The following GPAM variants were observed in gnomAD, a reference collection of about 807,000 sequenced individuals.
GPAM encodes the protein glycerol-3-phosphate acyltransferase, mitochondrial, also known as glycerol-3-phosphate acyltransferase 1, mitochondrial.
GPAM carries 56 observed loss-of-function variants against 105.0 expected under a neutral mutation model. The ratio of observed to expected loss-of-function variants is 0.53; its 90% CI spans 0.43 to 0.67. The LOEUF (loss-of-function observed/expected upper bound fraction) is 0.67, where lower values mean the gene tolerates loss of function less well. Among genes scored for constraint, GPAM ranks in the 30% least tolerant of loss-of-function variants. GPAM has a pLI of 0.00. For synonymous variants in GPAM, 368 were observed against 354.4 expected, an observed-to-expected ratio of 1.04 and a Z score of -0.43; for missense variants, 855 against 989.8, an observed-to-expected ratio of 0.86 and a Z score of 1.83.
At chr10:112,166,028 C>A (rs1455232257) in intron 12 of GPAM, among the ~76,000 whole-genome samples, 1 of 152,022 alleles carries the variant, frequency 6.6e-6, no homozygotes, top group Non-Finnish European at 1.5e-5. Flanking sequence ...TATTACAATT[C>A]TTCTCTTTTA....
intron 2 of GPAM, among the ~76,000 whole-genome samples, chr10:112,182,298 C>A (rs1369435239): frequency 6.6e-6 from 1 of 152,130 alleles, no homozygotes; most frequent in African/African-American, 2.4e-5. Flanking sequence ...TAGGGCACCC[C>A]TTAAGTTCCC....
chr10:112,227,451 C>A, the GPAM span, among the ~76,000 whole-genome samples: 1 of 152,322 alleles, frequency 6.6e-6, no homozygotes, highest in East Asian at 1.9e-4. Flanking sequence ...GGAGCCCAGC[C>A]ATAAGCTGTC....
rs966544782 is a variant in GPAM at position 112,153,334 on chromosome 10, G to A, written c.*216C>T. 2 of 1,449,354 alleles carry A rather than the reference G, an allele frequency of 1.4e-6. No individual in the cohort carries two copies. The highest frequency in any genetic ancestry group is 5.0e-5 in the East Asian group (2 of 39,992). 89.8% of individuals were successfully genotyped at this position (1,449,354 alleles called of 1,614,324 possible). A position where few individuals can be genotyped will look rare whatever the true frequency, so the allele number is the denominator to read the frequency against. ...GGATTATGAGTTGCGAATAGAGGCT[G>A]AGGTCCCCCCAAGTGTTATCTGCAG... On this transcript the variant is annotated 3_prime_UTR_variant, in exon 22 of 22. Coordinates refer to ENST00000348367, the MANE Select transcript of GPAM (RefSeq NM_001244949.2).
chr10:112,189,203 T>TA (rs1847627756), intron 1 of GPAM, among the ~76,000 whole-genome samples: 2 of 152,224 alleles, frequency 1.3e-5, no homozygotes, highest in African/African-American at 4.8e-5. Context: ...TGGCATGAAT[T>TA]ATTCTTACTG....
the GPAM span, among the ~76,000 whole-genome samples, chr10:112,224,377 T>C: frequency 6.6e-6 from 1 of 152,190 alleles, no homozygotes; most frequent in South Asian, 2.1e-4. Flanking sequence ...TGCATTCTTT[T>C]AGTATGTACA....
At chr10:112,166,628 A>G (rs1847222816) in intron 11 of GPAM, 113 bp from the exon 12 acceptor site, 1 of 744,738 alleles carries the variant, frequency 1.3e-6, no homozygotes, top group African/African-American at 1.7e-5. Context: ...CATCTTGAAG[A>G]AGAACAATGA....
In GPAM at chr10:112,155,986, T is replaced by A. The variant is rs1847011205; in HGVS notation, c.2189A>T (p.Glu730Val). The A allele has an allele frequency of 1.2e-6, 2 of 1,612,476 alleles. No homozygotes were observed. The change falls in exon 20 of 22, where the codon GAG (glutamate) becomes GTG (valine). Residue 730 changes from glutamate to valine, a missense_variant. Coordinates refer to ENST00000348367, the MANE Select transcript of GPAM (RefSeq NM_001244949.2). ...AAAGATGGCAGCAGAGCTGTAGGCC[T>A]CCAGCAAAGGCCCAAGGAGTCTCTG... ...FLQRLLGPLL[E>V]AYSSAAIFVH...
intron 13 of GPAM, 106 bp downstream of exon 13, chr10:112,164,419 G>A: frequency 4.2e-6 from 3 of 717,848 alleles, no homozygotes; most frequent in Admixed American, 4.0e-5. Context: ...TACTTAAGAA[G>A]TGAAAATAAG....
At chr10:112,211,282 G>C (rs931665455) in intron 1 of GPAM, among the ~76,000 whole-genome samples, 1 of 152,180 alleles carries the variant, frequency 6.6e-6, no homozygotes, top group Admixed American at 6.5e-5. Context: ...AAGAGCCCAG[G>C]ATAGGGAGTC....
intron 1 of GPAM, among the ~76,000 whole-genome samples, chr10:112,204,815 A>G (rs546170433): frequency 8.3e-4 from 121 of 146,246 alleles, no homozygotes; most frequent in African/African-American, 3.0e-3. Flanking sequence ...AGTTCTGGCC[A>G]GGGCAATCAG....
chr10:112,158,499 C>T, intron 17 of GPAM, 106 bp from the exon 18 acceptor site: 1 of 733,410 alleles, frequency 1.4e-6, no homozygotes. Flanking sequence ...CATTCTGTTA[C>T]CTCCATCACC....
intron 1 of GPAM, among the ~76,000 whole-genome samples, 158 bp from the exon 2 acceptor site, chr10:112,183,049 C>A (rs761073578): frequency 1.3e-5 from 2 of 152,220 alleles, no homozygotes; most frequent in Non-Finnish European, 2.9e-5. Flanking sequence ...CAGCAGCATG[C>A]GCTGAGAGAA....
intron 6 of GPAM, 126 bp from the exon 7 acceptor site, chr10:112,173,971 T>C: frequency 1.3e-6 from 1 of 787,594 alleles, no homozygotes; most frequent in East Asian, 2.6e-5. Flanking sequence ...TGCGGTAACA[T>C]GAAAGAATAA....
chr10:112,197,611 A>G (rs1052604519), intron 1 of GPAM, among the ~76,000 whole-genome samples: 6 of 149,262 alleles, frequency 4.0e-5, no homozygotes, highest in Admixed American at 6.7e-5. Flanking sequence ...AGCATTAGGT[A>G]TATCTCCCAA....
At chr10:112,186,772 A>T (rs1434900912), upstream of GPAM, among the ~76,000 whole-genome samples, 1 of 152,102 alleles carries the variant, frequency 6.6e-6, no homozygotes, top group Non-Finnish European at 1.5e-5. Flanking sequence ...GCCGGTCTCG[A>T]TCTCCTGACC....
In GPAM at chr10:112,157,339, G is replaced by A; in HGVS notation, c.2031C>T (p.Asp677=). ...AAGACAAAGGTTCTGGAAGCTTCTT[G>A]TCCCACTGCTGCTCAGCAAGACTAG... ...ISPSLAEQQW[D]KKLPEPLSWR... Residue 677 remains aspartate, a synonymous_variant, in exon 19 of 22, where the codon GAC becomes GAT. Transcript: ENST00000348367. The A allele has an allele frequency of 1.2e-6, 2 of 1,613,268 alleles. No homozygotes were observed. The highest frequency in any genetic ancestry group is 1.7e-6 in the Non-Finnish European group (2 of 1,179,206).
rs999598669 is a variant in GPAM, at chr10:112,151,777, A to G, written c.*1773T>C. 1.0e-6 allele frequency: 1 copy of G among 984,980 alleles called. No homozygotes were observed. The highest frequency in any genetic ancestry group is 1.1e-4 in the East Asian group (1 of 8,812). 61.0% of individuals were successfully genotyped at this position (984,980 alleles called of 1,614,324 possible). A position where few individuals can be genotyped will look rare whatever the true frequency, so the allele number is the denominator to read the frequency against. ...AGACTAGTGAAATGTTTGCTTCCCCAGATAAGGAACACCCAAGACTCCCTG... is the reference window on the plus strand; with the variant it reads ...AGACTAGTGAAATGTTTGCTTCCCCGGATAAGGAACACCCAAGACTCCCTG... On this transcript the variant is annotated 3_prime_UTR_variant, in exon 22 of 22. Transcript: ENST00000348367.
chr10:112,219,759 C>T (rs560413766), upstream of GPAM, among the ~76,000 whole-genome samples: 2 of 152,126 alleles, frequency 1.3e-5, no homozygotes, highest in Admixed American at 6.5e-5. Context: ...TTATGACAGT[C>T]GAAGAGATCT....
chr10:112,200,519 T>C (rs1360449776), intron 1 of GPAM, among the ~76,000 whole-genome samples: 1 of 152,038 alleles, frequency 6.6e-6, no homozygotes, highest in African/African-American at 2.4e-5. Flanking sequence ...CTCGAACTCC[T>C]GGGCTCAAGG....
Sources: allele counts gnomAD v4.1 joint callset (sites outside exome capture counted in the v4.1 genomes callset), GRCh38; gene constraint gnomAD v4.1.1; transcripts MANE v1.5; gene names NCBI Gene and HGNC (gene_info 2026-07-23, HGNC 2026-07-21).